The following ST7 variants were observed in gnomAD, a reference collection of about 807,000 sequenced individuals.
The protein encoded by ST7 is suppressor of tumorigenicity 7 protein.
ST7 carries 28 observed loss-of-function variants against 78.7 expected under a neutral mutation model. The ratio of observed to expected loss-of-function variants is 0.36; its 90% confidence interval spans 0.26 to 0.49. The LOEUF (loss-of-function observed/expected upper bound fraction) is 0.49, where lower values mean the gene tolerates loss of function less well. Ranked by LOEUF, ST7 falls within the 20% of genes least tolerant of loss-of-function variation. The pLI, the probability that ST7 is intolerant of heterozygous loss-of-function variation, is 0.99. For missense variants in ST7, 418 were observed against 696.0 expected, an observed-to-expected ratio of 0.60 and a Z score of 4.49; for synonymous variants, 247 against 249.6, an observed-to-expected ratio of 0.99 and a Z score of 0.10.
intron 2 of ST7, among the ~76,000 whole-genome samples, chr7:117,113,097 G>A (rs1287021886): frequency 6.6e-6 from 1 of 152,222 alleles, no homozygotes; most frequent in Non-Finnish European, 1.5e-5. Context: ...TTTTCAGCTT[G>A]CATTTCAGCA....
intron 2 of ST7, among the ~76,000 whole-genome samples, chr7:117,107,846 C>A (rs1383526680): frequency 6.6e-6 from 1 of 151,832 alleles, no homozygotes; most frequent in African/African-American, 2.4e-5. Flanking sequence ...AACTTCTGAC[C>A]TCAGGTGACC....
Position 117,065,204 on chromosome 7 carries a change from C to CT in ST7, c.152-34535dup, listed in dbSNP as rs11363365. On this transcript the variant is annotated intron_variant, in intron 1 of 15. Coordinates refer to ENST00000323984, the MANE Select transcript of ST7 (RefSeq NM_001369598.1). ...AATTTGAGGGCTTTTTGGTTCAAGTCTTTTTTTTTTTTTTTTTTTTTTTAG... is the reference window on the plus strand; with the variant it reads ...AATTTGAGGGCTTTTTGGTTCAAGTCTTTTTTTTTTTTTTTTTTTTTTTTAG... Among the ~76,000 whole-genome samples, 841 of 91,768 alleles carry CT rather than the reference C, an allele frequency of 9.2e-3. 18 individuals carry two copies. The highest frequency in any genetic ancestry group is 0.027 in the African/African-American group (649 of 24,346). 60.2% of individuals were successfully genotyped at this position (91,768 alleles called of 152,430 possible).
intron 1 of ST7, among the ~76,000 whole-genome samples, chr7:117,066,794 T>A (rs968463666): frequency 2.0e-5 from 3 of 148,992 alleles, no homozygotes; most frequent in African/African-American, 7.4e-5. Context: ...AAAAGTGGGA[T>A]TCAGTGGTTT....
intron 1 of ST7, chr7:116,972,833 G>C: frequency 1.9e-6 from 2 of 1,080,472 alleles, no homozygotes; most frequent in Non-Finnish European, 2.8e-6. Flanking sequence ...CGATCAGCTC[G>C]CTCCTCTGCA....
chr7:117,150,665 G>A (rs986533455), intron 9 of ST7, among the ~76,000 whole-genome samples: 14 of 152,022 alleles, frequency 9.2e-5, no homozygotes, highest in African/African-American at 1.9e-4. Flanking sequence ...CTTTCCAGCC[G>A]TCTCACTTGG....
chr7:117,078,990 T>C (rs1303215729), intron 1 of ST7, among the ~76,000 whole-genome samples: 1 of 152,134 alleles, frequency 6.6e-6, no homozygotes, highest in Non-Finnish European at 1.5e-5. Flanking sequence ...TCATATGTAG[T>C]CACAAATGCA....
chr7:117,217,320 G>C (rs771608547), intron 13 of ST7, among the ~76,000 whole-genome samples: 4 of 150,872 alleles, frequency 2.7e-5, no homozygotes, highest in Non-Finnish European at 4.4e-5. Context: ...AACTTCCCAC[G>C]TAGGTTTTTC....
At chr7:117,179,522 C>T (rs1056832416) in intron 10 of ST7, among the ~76,000 whole-genome samples, 2 of 152,150 alleles carry the variant, frequency 1.3e-5, no homozygotes, top group Admixed American at 6.5e-5. Context: ...GGAGTCTTCC[C>T]CTTGGAGGTG....
At chr7:117,094,405 C>G (rs1446864919) in intron 1 of ST7, among the ~76,000 whole-genome samples, 1 of 152,172 alleles carries the variant, frequency 6.6e-6, no homozygotes, top group African/African-American at 2.4e-5. Flanking sequence ...CTTTTCTTGG[C>G]AGAAATTTTT....
chr7:117,213,876 G>T (rs17139469), intron 13 of ST7, among the ~76,000 whole-genome samples: 2 of 152,092 alleles, frequency 1.3e-5, no homozygotes, highest in African/African-American at 4.8e-5. Context: ...CTGTTCTGGC[G>T]ATCCTCACAT....
chr7:117,056,518 A>C (rs1248620907), intron 1 of ST7, among the ~76,000 whole-genome samples: 1 of 152,010 alleles, frequency 6.6e-6, no homozygotes, highest in Admixed American at 6.6e-5. Context: ...GCCTGTAATC[A>C]CAGCTACTCG....
At chr7:117,119,400 GTTA>G (rs1294319659) in intron 2 of ST7, among the ~76,000 whole-genome samples, 158 bp from the exon 3 acceptor site, 1 of 152,084 alleles carries the variant, frequency 6.6e-6, no homozygotes, top group African/African-American at 2.4e-5. Flanking sequence ...AATTTTAAAT[GTTA>G]TTATTAAATT....
At chr7:117,034,530 C>T (rs1796778689) in intron 1 of ST7, among the ~76,000 whole-genome samples, 1 of 152,108 alleles carries the variant, frequency 6.6e-6, no homozygotes, top group Non-Finnish European at 1.5e-5. Flanking sequence ...AGGTCAATAC[C>T]TTTTCTTTAT....
chr7:117,014,875 G>T, intron 1 of ST7: 1 of 648,420 alleles, frequency 1.5e-6, no homozygotes, highest in East Asian at 3.5e-5. Context: ...GCAGAAGTGT[G>T]GGTGTGCTTC....
intron 1 of ST7, among the ~76,000 whole-genome samples, chr7:117,052,099 T>C (rs1797818579): frequency 1.3e-5 from 2 of 152,174 alleles, no homozygotes; most frequent in Non-Finnish European, 2.9e-5. Flanking sequence ...TCCAAGGCCT[T>C]GTGATTCTGA....
intron 2 of ST7, among the ~76,000 whole-genome samples, chr7:117,108,146 G>T (rs759749319): frequency 5.3e-5 from 8 of 151,958 alleles, no homozygotes; most frequent in Non-Finnish European, 8.8e-5. Flanking sequence ...TTGGGTTCTT[G>T]TTCATGAAGT....
At chr7:117,018,089 A>G (rs1174008120) in intron 1 of ST7, among the ~76,000 whole-genome samples, 5 of 152,208 alleles carry the variant, frequency 3.3e-5, no homozygotes, top group Non-Finnish European at 5.9e-5. Flanking sequence ...TGAGCCAACA[A>G]AAGGAGCAAC....
chr7:117,126,798 A>G (rs1045015956), intron 3 of ST7, among the ~76,000 whole-genome samples: 3 of 151,970 alleles, frequency 2.0e-5, no homozygotes, highest in Non-Finnish European at 4.4e-5. Context: ...ATTATTCTTT[A>G]GGTTCTTTGT....
chr7:117,038,865 A>G (rs936137854), intron 1 of ST7, among the ~76,000 whole-genome samples: 2 of 152,256 alleles, frequency 1.3e-5, no homozygotes, highest in South Asian at 2.1e-4. Flanking sequence ...TAACATCCAA[A>G]TCCTTCCACT....
Sources: allele counts gnomAD v4.1 joint callset (sites outside exome capture counted in the v4.1 genomes callset), GRCh38; gene constraint gnomAD v4.1.1; transcripts MANE v1.5; gene names NCBI Gene and HGNC (gene_info 2026-07-23, HGNC 2026-07-21).